WWOX: variants seen among roughly 807,000 people sequenced by gnomAD.
The protein encoded by WWOX is WW domain-containing oxidoreductase.
WWOX carries 69 observed loss-of-function variants against 46.2 expected under a neutral mutation model. The ratio of observed to expected loss-of-function variants is 1.49; its 90% CI spans 1.23 to 1.82. The LOEUF is 1.82. WWOX is among the 40% of genes most tolerant of loss of function. The pLI, the probability that WWOX is intolerant of heterozygous loss-of-function variation, is 0.00. For missense variants in WWOX, 919 were observed against 542.6 expected, an observed-to-expected ratio of 1.69 and a Z score of -6.89; for synonymous variants, 359 against 202.6, an observed-to-expected ratio of 1.77 and a Z score of -6.56.
intron 5 of WWOX, among the ~76,000 whole-genome samples, chr16:78,359,055 C>G (rs550920075): frequency 3.9e-5 from 6 of 152,086 alleles, no homozygotes; most frequent in African/African-American, 1.4e-4. Context: ...TTTACCTGGG[C>G]TAAATAAGAA....
At position 78,915,657 on chromosome 16, in the gene WWOX, C is replaced by T. The variant is rs959661824; in HGVS notation, c.1057-295951C>T. 8.6e-5 allele frequency among the ~76,000 whole-genome samples: 13 copies of T among 150,698 alleles called. 1 individual carries two copies. Among genetic ancestry groups the T allele is most frequent in the Admixed American group, 5.3e-4 (8 of 15,030 alleles). On this transcript the variant is annotated intron_variant, in intron 8 of 8. Transcript: ENST00000566780. ...ATTGACTCAGAAGATAGTTTCTTAC[C>T]GTTTGGGGAAAGTGCTTGTCTATTC...
chr16:79,020,241 A>C (rs1334003220), intron 8 of WWOX, among the ~76,000 whole-genome samples: 1 of 152,248 alleles, frequency 6.6e-6, no homozygotes. Flanking sequence ...GGATGCTGCA[A>C]GGCGCAGTGC....
chr16:78,975,852 A>G (rs1448716458), intron 8 of WWOX, among the ~76,000 whole-genome samples: 1 of 152,140 alleles, frequency 6.6e-6, no homozygotes, highest in African/African-American at 2.4e-5. Context: ...TAGAACCGTA[A>G]GGACCCTTGC....
At chr16:78,456,437 T>C (rs773496794) in intron 8 of WWOX, among the ~76,000 whole-genome samples, 1 of 152,128 alleles carries the variant, frequency 6.6e-6, no homozygotes, top group Admixed American at 6.5e-5. Flanking sequence ...CAATAGAAAA[T>C]ATTTGATATT....
chr16:79,201,057 G>A (rs537220839), intron 8 of WWOX, among the ~76,000 whole-genome samples: 30 of 152,274 alleles, frequency 2.0e-4, no homozygotes, highest in African/African-American at 7.2e-4. Context: ...AACACATGAA[G>A]GTTATATTAT....
intron 8 of WWOX, among the ~76,000 whole-genome samples, chr16:78,932,155 G>A (rs2045637072): frequency 6.6e-6 from 1 of 152,200 alleles, no homozygotes; most frequent in Non-Finnish European, 1.5e-5. Flanking sequence ...CACTTGAATT[G>A]CTGGTACGTC....
chr16:79,212,240 A>G lies in WWOX; in HGVS notation c.*444A>G, dbSNP rs2051789099. ...GCAAGTGTTCACTGCTCCTTGCTGC[A>G]TTGATCCAGGAGATAATTGTTTCAT... On this transcript the variant is annotated 3_prime_UTR_variant, in exon 9 of 9. Coordinates refer to ENST00000566780, the MANE Select transcript of WWOX (RefSeq NM_016373.4). The G allele has an allele frequency of 3.0e-6, 4 of 1,352,084 alleles. No homozygotes were observed. Among genetic ancestry groups the G allele is most frequent in the African/African-American group, 1.5e-5 (1 of 67,944 alleles). The allele number at this position is 1,352,084 out of a possible 1,614,324, so 83.8% of individuals were successfully genotyped here. A position where few individuals can be genotyped will look rare whatever the true frequency, so the allele number is the denominator to read the frequency against.
intron 8 of WWOX, among the ~76,000 whole-genome samples, chr16:78,471,991 A>G (rs16947617): frequency 0.035 from 5,267 of 152,232 alleles, 194 homozygotes; most frequent in African/African-American, 0.087. Context: ...CCTAATTCCA[A>G]TGTTTCACTT....
At chr16:78,430,311 G>C (rs542054661) in intron 7 of WWOX, among the ~76,000 whole-genome samples, 6 of 152,222 alleles carry the variant, frequency 3.9e-5, no homozygotes, top group South Asian at 4.2e-4. Context: ...TTACAATTCA[G>C]TGTGAGATTT....
At chr16:78,562,191 G>T (rs969746615) in intron 8 of WWOX, among the ~76,000 whole-genome samples, 19 of 152,146 alleles carry the variant, frequency 1.2e-4, no homozygotes. Context: ...CTGTTTCGTG[G>T]TGGAGTGCCT....
At chr16:78,330,330 C>T (rs2151891546) in intron 5 of WWOX, among the ~76,000 whole-genome samples, 1 of 151,910 alleles carries the variant, frequency 6.6e-6, no homozygotes, top group East Asian at 1.9e-4. Flanking sequence ...TTAATATTTC[C>T]AACAAGCCAA....
chr16:78,541,873 G>T (rs1436606190), intron 8 of WWOX, among the ~76,000 whole-genome samples: 1 of 151,930 alleles, frequency 6.6e-6, no homozygotes, highest in Admixed American at 6.6e-5. Context: ...GTGAACATAC[G>T]TTGCTTTTGT....
chr16:78,334,076 G>C (rs140637490), intron 5 of WWOX, among the ~76,000 whole-genome samples: 3 of 152,070 alleles, frequency 2.0e-5, no homozygotes, highest in South Asian at 2.1e-4. Flanking sequence ...ATGTTACATC[G>C]CATAAAGATG....
intron 8 of WWOX, among the ~76,000 whole-genome samples, chr16:79,034,089 G>T (rs1450878481): frequency 2.6e-5 from 4 of 152,200 alleles, no homozygotes; most frequent in Non-Finnish European, 5.9e-5. Context: ...TGGTGGTAAT[G>T]GGCCAGGGAA....
chr16:78,874,455 G>A (rs1428119717), intron 8 of WWOX, among the ~76,000 whole-genome samples: 1 of 151,954 alleles, frequency 6.6e-6, no homozygotes, highest in Non-Finnish European at 1.5e-5. Context: ...ACCTCCAACT[G>A]GGTCGATTTC....
chr16:78,606,718 G>GTTTTTTTTTT (rs59612285), intron 8 of WWOX, among the ~76,000 whole-genome samples: 15 of 121,066 alleles, frequency 1.2e-4, no homozygotes, highest in African/African-American at 4.8e-4. Flanking sequence ...CAGAATTGCA[G>GTTTTTTTTTT]TTTTTTTTTT....
intron 5 of WWOX, among the ~76,000 whole-genome samples, chr16:78,363,513 A>T (rs867459071): frequency 2.0e-5 from 3 of 152,060 alleles, no homozygotes; most frequent in African/African-American, 7.2e-5. Flanking sequence ...TCCTGGGCTC[A>T]ACTGATCTTC....
chr16:78,667,766 G>T (rs1001755394), intron 8 of WWOX, among the ~76,000 whole-genome samples: 2 of 150,408 alleles, frequency 1.3e-5, no homozygotes, highest in Non-Finnish European at 3.0e-5. Flanking sequence ...GAACTCATTT[G>T]AGAGCTCTCT....
intron 5 of WWOX, among the ~76,000 whole-genome samples, chr16:78,176,545 C>G (rs1316849845): frequency 6.6e-6 from 1 of 152,204 alleles, no homozygotes; most frequent in African/African-American, 2.4e-5. Context: ...CTGGGAGAAA[C>G]TTCAATGCAT....
Sources: gnomAD v4.1 joint callset for allele counts (sites outside exome capture counted in the v4.1 genomes callset) on GRCh38, gnomAD v4.1.1 for gene constraint, MANE v1.5 for transcripts, NCBI Gene and HGNC (gene_info 2026-07-23, HGNC 2026-07-21) for gene names.